The following CACNG3 variants were observed in gnomAD, a reference collection of about 807,000 sequenced individuals.
CACNG3 encodes calcium voltage-gated channel auxiliary subunit gamma 3, also known as voltage-dependent calcium channel gamma-3 subunit.
Under a neutral mutation model 28.5 loss-of-function variants are expected in CACNG3, and 3 were observed. The ratio of observed to expected loss-of-function variants is 0.11; its 90% CI spans 0.05 to 0.27. The LOEUF is 0.27. Among genes scored for constraint, CACNG3 ranks in the 10% least tolerant of loss-of-function variants. The pLI, the probability that CACNG3 is intolerant of heterozygous loss-of-function variation, is 1.00. For synonymous variants in CACNG3, 174 were observed against 162.2 expected (o/e 1.07, Z -0.55); for missense variants, 236 against 414.4 (o/e 0.57, Z 3.74).
intron 1 of CACNG3, among the ~76,000 whole-genome samples, chr16:24,341,641 G>A (rs149769761): frequency 2.0e-5 from 3 of 152,218 alleles, no homozygotes. Context: ...AGGAACTGAG[G>A]TTTGGAGAGG....
intron 2 of CACNG3, among the ~76,000 whole-genome samples, chr16:24,347,020 G>T (rs1200872835): frequency 6.6e-6 from 1 of 152,176 alleles, no homozygotes; most frequent in Non-Finnish European, 1.5e-5. Flanking sequence ...GAAACAGAAA[G>T]AAGAAGCAGG....
intron 3 of CACNG3, among the ~76,000 whole-genome samples, chr16:24,356,001 G>T (rs1032983545): frequency 7.9e-5 from 12 of 152,176 alleles, no homozygotes; most frequent in East Asian, 1.9e-4. Context: ...CCTGTTCTCT[G>T]CCTCTTTTAC....
At chr16:24,279,350 G>A (rs1363095580) in intron 1 of CACNG3, among the ~76,000 whole-genome samples, 3 of 152,160 alleles carry the variant, frequency 2.0e-5, no homozygotes, top group Admixed American at 1.3e-4. Flanking sequence ...CTGGAGTGCA[G>A]TGGTGCAATC....
At chr16:24,342,141 G>A (rs1346957339) in intron 1 of CACNG3, among the ~76,000 whole-genome samples, 5 of 151,976 alleles carry the variant, frequency 3.3e-5, no homozygotes, top group African/African-American at 9.7e-5. Flanking sequence ...GGTGGCACGC[G>A]CCTGTAATCC....
At chr16:24,264,720 G>C (rs958887317) in intron 1 of CACNG3, among the ~76,000 whole-genome samples, 4 of 152,196 alleles carry the variant, frequency 2.6e-5, no homozygotes, top group Non-Finnish European at 4.4e-5. Context: ...ATAGTGATTT[G>C]AATTCAACAT....
chr16:24,327,619 CA>C (rs201090046), intron 1 of CACNG3, among the ~76,000 whole-genome samples: 1 of 145,532 alleles, frequency 6.9e-6, no homozygotes, highest in Non-Finnish European at 1.5e-5. Context: ...GAACCTGTCT[CA>C]AAAAAAACAA....
At position 24,272,100 on chromosome 16, in the gene CACNG3, T is replaced by TC. The variant is rs1361716316; in HGVS notation, c.211+15135_211+15136insC. Among the ~76,000 whole-genome samples, 3 of 137,656 alleles carry TC rather than the reference T, an allele frequency of 2.2e-5. No homozygotes were observed. The South Asian group carries it at 7.3e-4, about 33-fold the overall frequency. The allele number at this position is 137,656 out of a possible 152,430, so 90.3% of individuals were successfully genotyped here. ...AGTGATTATACATTTTCTCTCTCTC[T>TC]TTTTTTTTTAATCTTTAACTTTAAA... On this transcript the variant is annotated intron_variant, in intron 1 of 3. Transcript: ENST00000005284.
intron 2 of CACNG3, among the ~76,000 whole-genome samples, chr16:24,350,285 G>A (rs1042188019): frequency 4.6e-5 from 7 of 151,466 alleles, no homozygotes; most frequent in African/African-American, 9.7e-5. Context: ...TCACATTTAC[G>A]TATCTCCTAT....
intron 1 of CACNG3, among the ~76,000 whole-genome samples, chr16:24,332,456 C>A (rs1054369714): frequency 1.0e-4 from 12 of 116,280 alleles, no homozygotes; most frequent in African/African-American, 3.6e-4. Flanking sequence ...CAGAGCAAGA[C>A]CCTGTCTCAA....
intron 1 of CACNG3, among the ~76,000 whole-genome samples, chr16:24,311,619 G>A (rs1193539890): frequency 1.3e-5 from 2 of 152,108 alleles, no homozygotes; most frequent in Non-Finnish European, 2.9e-5. Flanking sequence ...ACTTTGGGAG[G>A]CCCAGGCAGG....
Position 24,361,297 on chromosome 16 carries a change from G to A in CACNG3, c.437-55G>A. On this transcript the variant is annotated intron_variant, in intron 3 of 3. Transcript: ENST00000005284. The surrounding 1 kb of genome is among the most constrained non-coding windows in gnomAD (Gnocchi z 6.8). ...CTATAAATATTTTAAGATGGAAAGT[G>A]ACAGTTCTCTCCGAGGTGTATAAAG... 1 of 1,296,344 alleles carries A rather than the reference G, an allele frequency of 7.7e-7. No homozygotes were observed. The highest frequency in any genetic ancestry group is 1.1e-6 in the Non-Finnish European group (1 of 933,764). The allele number at this position is 1,296,344 out of a possible 1,614,324, so 80.3% of individuals were successfully genotyped here.
chr16:24,300,791 C>A (rs566835113), intron 1 of CACNG3, among the ~76,000 whole-genome samples: 5 of 151,934 alleles, frequency 3.3e-5, no homozygotes, highest in Non-Finnish European at 7.4e-5. Context: ...CAGTGGACCA[C>A]GCCTGTAATC....
At position 24,335,312 on chromosome 16, in the gene CACNG3, C is replaced by T. The variant is rs187587002; in HGVS notation, c.212-11422C>T. On this transcript the variant is annotated intron_variant, in intron 1 of 3. Transcript: ENST00000005284. ...GCGGGCACCTGTAATCTCAGCTACT[C>T]AGGAGGCTGAGGCATGAGAATCGCT... is the stretch of plus-strand genomic sequence containing the variant. 7.8e-3 allele frequency among the ~76,000 whole-genome samples: 1,186 copies of T among 152,156 alleles called. 9 individuals carry two copies. Among genetic ancestry groups the T allele is most frequent in the Non-Finnish European group, 0.014 (924 of 68,002 alleles).
At chr16:24,307,714 G>A (rs1453092070) in intron 1 of CACNG3, among the ~76,000 whole-genome samples, 1 of 152,198 alleles carries the variant, frequency 6.6e-6, no homozygotes, top group Admixed American at 6.5e-5. Context: ...AATGGATGAT[G>A]AACAGAGCAA....
chr16:24,276,203 AAAC>A (rs1474895905), intron 1 of CACNG3, among the ~76,000 whole-genome samples: 1 of 152,210 alleles, frequency 6.6e-6, no homozygotes, highest in African/African-American at 2.4e-5. Context: ...AAAAGCGTAA[AAAC>A]AATTCTTCTC....
At chr16:24,338,870 C>A (rs1899744690) in intron 1 of CACNG3, among the ~76,000 whole-genome samples, 1 of 152,184 alleles carries the variant, frequency 6.6e-6, no homozygotes. Flanking sequence ...ACCGTTAATC[C>A]TCTAAACACC....
At chr16:24,321,211 T>G (rs1168091990) in intron 1 of CACNG3, among the ~76,000 whole-genome samples, 1 of 152,146 alleles carries the variant, frequency 6.6e-6, no homozygotes, top group Non-Finnish European at 1.5e-5. Flanking sequence ...CACGCCTTTG[T>G]GTAATCCCAG....
chr16:24,314,286 G>A (rs1393882405), intron 1 of CACNG3, among the ~76,000 whole-genome samples: 1 of 152,182 alleles, frequency 6.6e-6, no homozygotes, highest in Non-Finnish European at 1.5e-5. Flanking sequence ...GTGACAGACA[G>A]TAGAGCACTA....
At chr16:24,264,212 G>A (rs1269277359) in intron 1 of CACNG3, among the ~76,000 whole-genome samples, 3 of 152,216 alleles carry the variant, frequency 2.0e-5, no homozygotes, top group South Asian at 4.1e-4. Flanking sequence ...TGCCCTATAC[G>A]AGGCTGCCTG....
Sources: gnomAD v4.1 joint callset for allele counts (sites outside exome capture counted in the v4.1 genomes callset) on GRCh38, gnomAD v4.1.1 for gene constraint, Gnocchi (gnomAD v3.1) non-coding constraint, MANE v1.5 for transcripts, NCBI Gene and HGNC (gene_info 2026-07-23, HGNC 2026-07-21) for gene names.